FSTL5: variants seen among roughly 807,000 people sequenced by gnomAD.
FSTL5 encodes the protein follistatin like 5, also known as follistatin-related protein 5.
FSTL5 carries 62 observed loss-of-function variants against 89.1 expected under a neutral mutation model. The ratio of observed to expected loss-of-function variants is 0.70; its 90% CI spans 0.57 to 0.86. The LOEUF is 0.86. Ranked by LOEUF, FSTL5 falls within the 40% of genes least tolerant of loss-of-function variation. The probability of loss-of-function intolerance (pLI) is 0.00; values close to 1 mark genes in which losing one functional copy is unlikely to be tolerated. For missense variants in FSTL5, 1,057 were observed against 1,001.6 expected, an observed-to-expected ratio of 1.06 and a Z score of -0.75; for synonymous variants, 383 against 346.2, an observed-to-expected ratio of 1.11 and a Z score of -1.18.
chr4:161,888,732 T>C (rs1732892803), intron 4 of FSTL5, among the ~76,000 whole-genome samples: 1 of 152,106 alleles, frequency 6.6e-6, no homozygotes, highest in Non-Finnish European at 1.5e-5. Context: ...AGTCATGATT[T>C]GATTCTGTCT....
intron 8 of FSTL5, among the ~76,000 whole-genome samples, chr4:161,579,363 A>G (rs1289888139): frequency 3.3e-5 from 5 of 152,182 alleles, no homozygotes; most frequent in Non-Finnish European, 7.3e-5. Context: ...TAGAGATAAA[A>G]TGGAATTCTA....
At chr4:161,578,120 T>C (rs1034908327) in intron 8 of FSTL5, among the ~76,000 whole-genome samples, 4 of 151,780 alleles carry the variant, frequency 2.6e-5, no homozygotes, top group African/African-American at 9.7e-5. Flanking sequence ...ATATGACTCA[T>C]GAGAGAAAAA....
At chr4:162,009,482 T>C (rs935315325) in intron 3 of FSTL5, among the ~76,000 whole-genome samples, 1 of 152,052 alleles carries the variant, frequency 6.6e-6, no homozygotes, top group African/African-American at 2.4e-5. Context: ...AGTAGGAACC[T>C]GCATAATGCA....
At chr4:161,784,907 C>CAAAAACAAAAACAA (rs1202708192) in intron 4 of FSTL5, among the ~76,000 whole-genome samples, 4 of 125,404 alleles carry the variant, frequency 3.2e-5, no homozygotes, top group South Asian at 5.0e-4. Context: ...AAAACAAAAA[C>CAAAAACAAAAACAA]AAACAAACAA....
intron 1 of FSTL5, among the ~76,000 whole-genome samples, chr4:162,160,515 C>A (rs909081182): frequency 6.6e-6 from 1 of 151,658 alleles, no homozygotes; most frequent in Non-Finnish European, 1.5e-5. Context: ...TTTATTAGTT[C>A]ACAAGAGTCT....
chr4:161,411,635 T>C (rs1182800325), intron 15 of FSTL5, among the ~76,000 whole-genome samples: 2 of 152,048 alleles, frequency 1.3e-5, no homozygotes, highest in African/African-American at 4.8e-5. Flanking sequence ...AGATCTAACA[T>C]CCCTTCATGA....
intron 2 of FSTL5, among the ~76,000 whole-genome samples, chr4:162,068,928 C>G (rs193139779): frequency 7.8e-4 from 118 of 152,012 alleles, no homozygotes; most frequent in African/African-American, 2.4e-3. Flanking sequence ...TTGTGGCCAA[C>G]AAGCATTTGA....
At chr4:162,030,954 T>C (rs1372069566) in intron 3 of FSTL5, among the ~76,000 whole-genome samples, 2 of 152,176 alleles carry the variant, frequency 1.3e-5, no homozygotes, top group African/African-American at 4.8e-5. Flanking sequence ...TGTCTAATAA[T>C]AGTTACAAAA....
chr4:161,951,994 T>C (rs1734909148), intron 3 of FSTL5, among the ~76,000 whole-genome samples: 1 of 152,052 alleles, frequency 6.6e-6, no homozygotes, highest in Non-Finnish European at 1.5e-5. Context: ...AATATTCTTC[T>C]AGGTATTGTG....
rs554465822 is a variant in FSTL5 at position 161,384,549 on chromosome 4, A to G, written c.*1198T>C. 1 of 152,290 alleles carries G rather than the reference A, an allele frequency of 6.6e-6. No individual in the cohort carries two copies. The highest frequency in any genetic ancestry group is 1.5e-5 in the Non-Finnish European group (1 of 67,992). The allele number at this position is 152,290 out of a possible 1,614,324, so 9.4% of individuals were successfully genotyped here. On this transcript the variant is annotated 3_prime_UTR_variant, in exon 16 of 16. Coordinates refer to ENST00000306100, the MANE Select transcript of FSTL5 (RefSeq NM_020116.5). ...TTCGTTAGGTTTCAAACTACAGCAC[A>G]TAGTGAGAAGATGCTTTTAGGATTA...
chr4:161,743,350 T>TA (rs1740090553), intron 6 of FSTL5, among the ~76,000 whole-genome samples: 1 of 152,174 alleles, frequency 6.6e-6, no homozygotes, highest in Non-Finnish European at 1.5e-5. Context: ...AGACAATGTA[T>TA]AGGAAGGTTT....
intron 9 of FSTL5, among the ~76,000 whole-genome samples, chr4:161,539,054 G>A (rs145197609): frequency 1.3e-5 from 2 of 152,176 alleles, no homozygotes; most frequent in South Asian, 2.1e-4. Flanking sequence ...CATTACAGGC[G>A]TGAGCCACCC....
chr4:161,735,728 G>A (rs2126766408), intron 6 of FSTL5, among the ~76,000 whole-genome samples: 1 of 152,046 alleles, frequency 6.6e-6, no homozygotes, highest in African/African-American at 2.4e-5. Flanking sequence ...TAAACTATTG[G>A]TTTATGAACA....
At chr4:161,508,714 G>A (rs72683744) in intron 11 of FSTL5, among the ~76,000 whole-genome samples, 11,433 of 151,936 alleles carry the variant, frequency 0.075, 565 homozygotes, top group Middle Eastern at 0.14. Context: ...TAATGTTCAC[G>A]GTGGTTACCA....
intron 3 of FSTL5, among the ~76,000 whole-genome samples, chr4:161,995,978 A>G (rs890138747): frequency 1.3e-5 from 2 of 152,160 alleles, no homozygotes; most frequent in African/African-American, 4.8e-5. Flanking sequence ...AAAAGGATAC[A>G]AAGCGCTTTA....
chr4:161,789,327 TA>T (rs995559527), intron 4 of FSTL5, among the ~76,000 whole-genome samples: 8 of 151,362 alleles, frequency 5.3e-5, no homozygotes, highest in Non-Finnish European at 7.4e-5. Flanking sequence ...GTGTTGCCAA[TA>T]AAAAAAAATT....
chr4:161,550,468 T>A (rs538031997), intron 8 of FSTL5, among the ~76,000 whole-genome samples: 3 of 151,850 alleles, frequency 2.0e-5, no homozygotes, highest in Non-Finnish European at 4.4e-5. Flanking sequence ...TAGAACAGAG[T>A]AGTTATTGCA....
chr4:161,838,783 C>A (rs1315015975), intron 4 of FSTL5, among the ~76,000 whole-genome samples: 1 of 151,966 alleles, frequency 6.6e-6, no homozygotes, highest in Non-Finnish European at 1.5e-5. Context: ...ATGTAACAAA[C>A]TTATATCTAA....
intron 15 of FSTL5, among the ~76,000 whole-genome samples, chr4:161,401,129 A>T (rs1258708220): frequency 2.0e-5 from 3 of 152,216 alleles, no homozygotes; most frequent in African/African-American, 7.2e-5. Flanking sequence ...TAGTTATTTT[A>T]GAGATTGAAC....
Sources: gnomAD v4.1 joint callset for allele counts (sites outside exome capture counted in the v4.1 genomes callset) on GRCh38, gnomAD v4.1.1 for gene constraint, MANE v1.5 for transcripts, NCBI Gene and HGNC (gene_info 2026-07-23, HGNC 2026-07-21) for gene names.